The following KCNMA1 variants were observed in gnomAD, a reference collection of about 807,000 sequenced individuals.
KCNMA1 encodes the protein potassium calcium-activated channel subfamily M alpha 1, also known as Calcium-activated potassium channel subunit alpha-1.
Under a neutral mutation model 140.0 loss-of-function variants are expected in KCNMA1, and 29 were observed. The observed-to-expected ratio is 0.21, with a 90% CI of 0.15 to 0.28. The LOEUF (loss-of-function observed/expected upper bound fraction) is 0.28, where lower values mean the gene tolerates loss of function less well. KCNMA1 is among the 10% of genes least tolerant of loss of function. The probability of loss-of-function intolerance (pLI) is 1.00; values close to 1 mark genes in which losing one functional copy is unlikely to be tolerated. For synonymous variants in KCNMA1, 612 were observed against 611.9 expected, an observed-to-expected ratio of 1.00 and a Z score of 0.00; for missense variants, 880 against 1,602.2, an observed-to-expected ratio of 0.55 and a Z score of 7.70.
chr10:77,535,583 C>G (rs998348669), intron 1 of KCNMA1, among the ~76,000 whole-genome samples: 1 of 152,174 alleles, frequency 6.6e-6, no homozygotes, highest in Admixed American at 6.5e-5. Flanking sequence ...GAAGAGATCT[C>G]TTCACTCCTG....
chr10:77,587,373 C>A (rs1385585542), intron 1 of KCNMA1, among the ~76,000 whole-genome samples: 1 of 152,108 alleles, frequency 6.6e-6, no homozygotes, highest in African/African-American at 2.4e-5. Flanking sequence ...CACTTCTCTC[C>A]AAGCATTATA....
Position 76,886,278 on chromosome 10 carries a change from A to C in KCNMA1, c.*988T>G. On this transcript the variant is annotated 3_prime_UTR_variant, in exon 28 of 28. Transcript: ENST00000286628. Reference sequence around the variant, plus strand: ...AAAAGATCCCCTGAGAATGCATGGAAAAATACTTGCTCTTTCCTGAGCATT... The same window carrying C: ...AAAAGATCCCCTGAGAATGCATGGACAAATACTTGCTCTTTCCTGAGCATT... 2.0e-6 allele frequency: 2 copies of C among 985,398 alleles called. No homozygotes were observed. Among genetic ancestry groups the C allele is most frequent in the Non-Finnish European group, 2.4e-6 (2 of 829,874 alleles). 61.0% of individuals were successfully genotyped at this position (985,398 alleles called of 1,614,324 possible).
intron 3 of KCNMA1, among the ~76,000 whole-genome samples, chr10:77,201,085 G>A (rs1027603974): frequency 1.3e-5 from 2 of 152,142 alleles, no homozygotes; most frequent in African/African-American, 2.4e-5. Flanking sequence ...ATTCTGGGGT[G>A]TGCAGGGGGT....
chr10:77,504,408 GAACCGAGC>G (rs1251247418), intron 1 of KCNMA1, among the ~76,000 whole-genome samples: 1 of 152,092 alleles, frequency 6.6e-6, no homozygotes, highest in Non-Finnish European at 1.5e-5. Flanking sequence ...CAGTGATGGG[GAACCGAGC>G]AACCGAGAGG....
chr10:77,545,148 T>C (rs1162857817), intron 1 of KCNMA1, among the ~76,000 whole-genome samples: 1 of 152,202 alleles, frequency 6.6e-6, no homozygotes, highest in Non-Finnish European at 1.5e-5. Flanking sequence ...GAGTTCCTAA[T>C]AGTTGGGTTC....
chr10:76,920,532 T>C (rs2055303633), intron 23 of KCNMA1, among the ~76,000 whole-genome samples: 1 of 152,182 alleles, frequency 6.6e-6, no homozygotes, highest in African/African-American at 2.4e-5. Context: ...ATATTGCTTC[T>C]TATGTGCCAG....
intron 1 of KCNMA1, among the ~76,000 whole-genome samples, chr10:77,523,518 C>G (rs2154551312): frequency 6.6e-6 from 1 of 152,330 alleles, no homozygotes; most frequent in African/African-American, 2.4e-5. Context: ...GCAGGCAAGG[C>G]TGATGTCAAG....
At chr10:77,017,394 T>G (rs11001972) in intron 17 of KCNMA1, among the ~76,000 whole-genome samples, 1 of 152,096 alleles carries the variant, frequency 6.6e-6, no homozygotes, top group Non-Finnish European at 1.5e-5. Context: ...AGAGGGAAGG[T>G]TCAGTCCCAT....
At chr10:77,141,099 C>T (rs1032922116) in intron 5 of KCNMA1, among the ~76,000 whole-genome samples, 1 of 152,168 alleles carries the variant, frequency 6.6e-6, no homozygotes, top group African/African-American at 2.4e-5. Context: ...CCACCACTAA[C>T]ATAACCCAAA....
chr10:77,330,997 G>A (rs146830477), intron 2 of KCNMA1, among the ~76,000 whole-genome samples: 315 of 152,190 alleles, frequency 2.1e-3, no homozygotes, highest in African/African-American at 6.2e-3. Context: ...ATGGTTAGGG[G>A]AGCCCCATTC....
intron 1 of KCNMA1, among the ~76,000 whole-genome samples, chr10:77,436,053 C>G (rs887069243): frequency 6.6e-6 from 1 of 152,200 alleles, no homozygotes; most frequent in East Asian, 1.9e-4. Context: ...AAGGCAATGA[C>G]TTGGTGGAGG....
At chr10:76,959,238 T>C (rs1408704237) in intron 20 of KCNMA1, among the ~76,000 whole-genome samples, 1 of 152,200 alleles carries the variant, frequency 6.6e-6, no homozygotes, top group African/African-American at 2.4e-5. Flanking sequence ...GCCTGAACAC[T>C]AGCCAGCTAA....
At chr10:77,147,520 C>T (rs2098328443) in intron 5 of KCNMA1, 1 of 152,084 alleles carries the variant, frequency 6.6e-6, no homozygotes, top group African/African-American at 2.4e-5. Flanking sequence ...TCCCTTTCAT[C>T]ATCAGCTAGC....
At chr10:77,055,961 T>C (rs895682159) in intron 14 of KCNMA1, among the ~76,000 whole-genome samples, 3 of 152,082 alleles carry the variant, frequency 2.0e-5, no homozygotes, top group East Asian at 1.9e-4. Flanking sequence ...TAAACTACAA[T>C]ATAGACCACC....
intron 2 of KCNMA1, among the ~76,000 whole-genome samples, chr10:77,313,740 G>A (rs555274191): frequency 3.4e-4 from 52 of 152,244 alleles, no homozygotes; most frequent in African/African-American, 1.2e-3. Context: ...AGTAATGAAC[G>A]GGATGGATGA....
intron 15 of KCNMA1, among the ~76,000 whole-genome samples, chr10:77,038,865 G>A (rs1412948013): frequency 6.6e-6 from 1 of 152,134 alleles, no homozygotes; most frequent in Non-Finnish European, 1.5e-5. Context: ...CATGCCTCAC[G>A]GCAGACACCT....
chr10:77,237,180 T>C (rs569019686), intron 3 of KCNMA1, among the ~76,000 whole-genome samples: 3 of 152,350 alleles, frequency 2.0e-5, no homozygotes, highest in Admixed American at 2.0e-4. Flanking sequence ...TATCTAATAC[T>C]TTTTTTGGTC....
chr10:77,099,988 T>C (rs975849352), intron 9 of KCNMA1, among the ~76,000 whole-genome samples: 3 of 152,216 alleles, frequency 2.0e-5, no homozygotes, highest in African/African-American at 7.2e-5. Flanking sequence ...GGCTTCCCTC[T>C]AATGTCTCTT....
intron 9 of KCNMA1, among the ~76,000 whole-genome samples, chr10:77,105,397 C>A (rs2097180513): frequency 6.6e-6 from 1 of 152,224 alleles, no homozygotes; most frequent in Admixed American, 6.5e-5. Context: ...CCCTGATCTT[C>A]TCTGCCTAAA....
Sources: allele counts gnomAD v4.1 joint callset (sites outside exome capture counted in the v4.1 genomes callset), GRCh38; gene constraint gnomAD v4.1.1; transcripts MANE v1.5; gene names NCBI Gene and HGNC (gene_info 2026-07-23, HGNC 2026-07-21).